Variants in STK32B observed in about 807,000 individuals in gnomAD.
STK32B encodes serine/threonine-protein kinase 32B.
STK32B carries 43 observed loss-of-function variants against 52.6 expected under a neutral mutation model. The observed-to-expected ratio is 0.82, with a 90% confidence interval of 0.64 to 1.05. The LOEUF is 1.05. Among genes scored for constraint, STK32B ranks in the 50% least tolerant of loss-of-function variants. The probability of loss-of-function intolerance (pLI) is 0.00; values close to 1 mark genes in which losing one functional copy is unlikely to be tolerated. For missense variants in STK32B, 621 were observed against 534.6 expected (o/e 1.16, Z -1.59); for synonymous variants, 238 against 204.3 (o/e 1.17, Z -1.41).
chr4:5,442,766 T>G (rs1303731353), intron 6 of STK32B, among the ~76,000 whole-genome samples: 1 of 152,240 alleles, frequency 6.6e-6, no homozygotes, highest in Non-Finnish European at 1.5e-5. Flanking sequence ...CCATGTTTAG[T>G]TCTTCCTTCA....
intron 1 of STK32B, 150 bp from the exon 2 acceptor site, chr4:5,139,755 G>A (rs936259035): frequency 2.7e-6 from 2 of 749,896 alleles, no homozygotes; most frequent in Non-Finnish European, 4.5e-6. Context: ...ATTCCCCTGT[G>A]GATAAGGGTG....
intron 3 of STK32B, among the ~76,000 whole-genome samples, chr4:5,176,420 T>C (rs1322847215): frequency 1.0e-4 from 15 of 150,432 alleles, no homozygotes; most frequent in African/African-American, 9.8e-5. Context: ...ACTGGAGCTG[T>C]TCCTATTCGG....
At chr4:5,276,093 A>T (rs1727803935) in intron 3 of STK32B, among the ~76,000 whole-genome samples, 1 of 152,096 alleles carries the variant, frequency 6.6e-6, no homozygotes, top group Admixed American at 6.5e-5. Context: ...GTTCAAGACC[A>T]GCCTGGCCAA....
In STK32B at chr4:5,170,284, C is replaced by T. The variant is rs1486730085; in HGVS notation, c.260+1834C>T. Among the ~76,000 whole-genome samples the T allele has an allele frequency of 3.9e-5, 6 of 152,026 alleles. No individual in the cohort carries two copies. The East Asian group carries it at 1.2e-3, about 29-fold the overall frequency. Reference sequence around the variant, plus strand: ...AAGGAATGTGTTGGAGTAGCCTTTACTTAGGCACCTTTTTTTATTTTTATT... The same window carrying T: ...AAGGAATGTGTTGGAGTAGCCTTTATTTAGGCACCTTTTTTTATTTTTATT... On this transcript the variant is annotated intron_variant, in intron 3 of 11. Coordinates refer to ENST00000282908, the MANE Select transcript of STK32B (RefSeq NM_018401.3).
At chr4:5,126,866 G>T (rs1421829699) in intron 1 of STK32B, among the ~76,000 whole-genome samples, 3 of 152,122 alleles carry the variant, frequency 2.0e-5, no homozygotes, top group African/African-American at 4.8e-5. Context: ...TTTAGGGAAT[G>T]AATAATACAG....
At chr4:5,315,867 G>C (rs1196683121) in intron 3 of STK32B, among the ~76,000 whole-genome samples, 1 of 150,784 alleles carries the variant, frequency 6.6e-6, no homozygotes, top group Admixed American at 6.6e-5. Flanking sequence ...ACCACGCCCA[G>C]CTAATTTTTG....
intron 1 of STK32B, among the ~76,000 whole-genome samples, chr4:5,120,388 CAAG>C (rs1160345778): frequency 2.6e-5 from 4 of 152,234 alleles, no homozygotes; most frequent in African/African-American, 9.6e-5. Flanking sequence ...GAGTGCATCA[CAAG>C]AAGAGATTTT....
At chr4:5,220,520 G>A (rs1723464083) in intron 3 of STK32B, among the ~76,000 whole-genome samples, 1 of 152,192 alleles carries the variant, frequency 6.6e-6, no homozygotes, top group Non-Finnish European at 1.5e-5. Context: ...AAGAGTCAGG[G>A]AGAAGGTATT....
At chr4:5,229,442 T>C (rs1462564123) in intron 3 of STK32B, among the ~76,000 whole-genome samples, 1 of 152,214 alleles carries the variant, frequency 6.6e-6, no homozygotes, top group Non-Finnish European at 1.5e-5. Context: ...TCTATGATGC[T>C]GGAGGAAAGA....
chr4:5,247,212 C>T (rs544027448), intron 3 of STK32B, among the ~76,000 whole-genome samples: 3 of 152,284 alleles, frequency 2.0e-5, no homozygotes, highest in South Asian at 2.1e-4. Context: ...GAGCTGTGGT[C>T]GGCTCCACCC....
intron 4 of STK32B, among the ~76,000 whole-genome samples, chr4:5,376,478 C>G (rs56020311): frequency 0.042 from 6,432 of 152,082 alleles, 220 homozygotes; most frequent in Non-Finnish European, 0.06. Context: ...ACCTGCCAGA[C>G]AGCAGGTTGG....
At chr4:5,351,832 A>G (rs1198899328) in intron 4 of STK32B, among the ~76,000 whole-genome samples, 5 of 152,192 alleles carry the variant, frequency 3.3e-5, no homozygotes, top group African/African-American at 1.2e-4. Context: ...ACAATTATGC[A>G]CTAACAAACT....
intron 6 of STK32B, among the ~76,000 whole-genome samples, chr4:5,422,696 G>A (rs531126011): frequency 1.1e-4 from 16 of 152,238 alleles, no homozygotes; most frequent in African/African-American, 2.9e-4. Flanking sequence ...GCTGCAGAGC[G>A]GGGTACTGCT....
intron 11 of STK32B, among the ~76,000 whole-genome samples, chr4:5,494,875 C>G (rs966430576): frequency 6.6e-6 from 1 of 152,088 alleles, no homozygotes; most frequent in African/African-American, 2.4e-5. Context: ...GTTGAAAATT[C>G]TTTTCTTTAA....
intron 3 of STK32B, among the ~76,000 whole-genome samples, chr4:5,239,201 T>C (rs1724831705): frequency 6.6e-6 from 1 of 151,178 alleles, no homozygotes; most frequent in African/African-American, 2.4e-5. Flanking sequence ...TGAGCAGGAG[T>C]AGGTGTTTGG....
chr4:5,060,825 G>C lies in STK32B; in HGVS notation c.52+8910G>C, dbSNP rs551182271. Among the ~76,000 whole-genome samples, 3 of 152,254 alleles carry C rather than the reference G, an allele frequency of 2.0e-5. No individual in the cohort carries two copies. The East Asian group carries it at 5.8e-4, about 29-fold the overall frequency. ...AGGTTTTTTTCTTCAGCATTTTGAA[G>C]ATATGATTTATTGTCTTTTGCCCTC... On this transcript the variant is annotated intron_variant, in intron 1 of 11. Coordinates refer to ENST00000282908, the MANE Select transcript of STK32B (RefSeq NM_018401.3).
At chr4:5,489,735 C>T (rs1038078932) in intron 11 of STK32B, among the ~76,000 whole-genome samples, 7 of 152,054 alleles carry the variant, frequency 4.6e-5, no homozygotes, top group Non-Finnish European at 8.8e-5. Flanking sequence ...ATTCCCCTGC[C>T]TCAACCAACT....
intron 4 of STK32B, among the ~76,000 whole-genome samples, chr4:5,359,208 A>G (rs962349546): frequency 5.3e-5 from 8 of 152,136 alleles, no homozygotes; most frequent in South Asian, 2.1e-4. Context: ...GTATTTTTCC[A>G]TATTTATAGG....
chr4:5,203,286 T>G (rs960682432), intron 3 of STK32B, among the ~76,000 whole-genome samples: 1 of 152,218 alleles, frequency 6.6e-6, no homozygotes, highest in East Asian at 1.9e-4. Context: ...GGAATTAAAT[T>G]ACTGAAATTT....
Sources: gnomAD v4.1 joint callset for allele counts (sites outside exome capture counted in the v4.1 genomes callset) on GRCh38, gnomAD v4.1.1 for gene constraint, MANE v1.5 for transcripts, NCBI Gene and HGNC (gene_info 2026-07-23, HGNC 2026-07-21) for gene names.